Variants in BDP1 observed in about 807,000 individuals in gnomAD.
The protein encoded by BDP1 is BDP1 general transcription factor IIIB subunit.
In BDP1, 169 loss-of-function variants were observed where a neutral mutation model predicts 266.6. That is an observed-to-expected ratio of 0.63 (90% CI 0.56 to 0.72). The LOEUF (loss-of-function observed/expected upper bound fraction) is 0.72. Among genes scored for constraint, BDP1 ranks in the 30% least tolerant of loss-of-function variants. The probability of loss-of-function intolerance (pLI) is 0.00; values close to 1 mark genes in which losing one functional copy is unlikely to be tolerated. For missense variants in BDP1, 3,015 were observed against 3,053.8 expected (o/e 0.99, Z 0.30); for synonymous variants, 1,090 against 1,022.4 (o/e 1.07, Z -1.26).
At chr5:71,517,091 G>T (rs1419904959) in intron 21 of BDP1, among the ~76,000 whole-genome samples, 1 of 152,112 alleles carries the variant, frequency 6.6e-6, no homozygotes, top group Non-Finnish European at 1.5e-5. Context: ...ACCACCCATG[G>T]TGGTATCTGC....
chr5:71,547,711 A>G (rs944705099), intron 32 of BDP1, among the ~76,000 whole-genome samples: 1 of 152,142 alleles, frequency 6.6e-6, no homozygotes, highest in Non-Finnish European at 1.5e-5. Flanking sequence ...GCTCTTTGGG[A>G]GGCTGAGGCG....
intron 7 of BDP1, among the ~76,000 whole-genome samples, chr5:71,473,800 G>C (rs1462230821): frequency 6.6e-6 from 1 of 151,792 alleles, no homozygotes; most frequent in Admixed American, 6.6e-5. Flanking sequence ...TTTAACATTA[G>C]GTATATCTCC....
intron 25 of BDP1, among the ~76,000 whole-genome samples, chr5:71,530,352 A>G (rs1766161304): frequency 6.6e-6 from 1 of 152,116 alleles, no homozygotes. Context: ...CTCCCACCTC[A>G]GCCTCCTGAG....
intron 33 of BDP1, among the ~76,000 whole-genome samples, 165 bp from the exon 34 acceptor site, chr5:71,549,255 G>C (rs959059324): frequency 6.6e-6 from 1 of 152,128 alleles, no homozygotes; most frequent in Non-Finnish European, 1.5e-5. Flanking sequence ...CAAAAAAGGA[G>C]GGAACTTACT....
chr5:71,555,523 T>C (rs1343073917), intron 35 of BDP1, among the ~76,000 whole-genome samples: 1 of 151,146 alleles, frequency 6.6e-6, no homozygotes, highest in African/African-American at 2.4e-5. Context: ...CACTGCAACC[T>C]CCACCTCCCA....
At chr5:71,576,073 G>A in the BDP1 span, among the ~76,000 whole-genome samples, 5 of 152,134 alleles carry the variant, frequency 3.3e-5, no homozygotes, top group Admixed American at 6.5e-5. Context: ...AGAAAACTAC[G>A]CAGGAAGCTG....
At chr5:71,477,226 T>C (rs1277526599) in intron 7 of BDP1, among the ~76,000 whole-genome samples, 3 of 151,848 alleles carry the variant, frequency 2.0e-5, no homozygotes, top group East Asian at 1.9e-4. Flanking sequence ...GGTGCAACCA[T>C]AGCTCACTGC....
At chr5:71,573,579 G>C in the BDP1 span, among the ~76,000 whole-genome samples, 9 of 152,156 alleles carry the variant, frequency 5.9e-5, no homozygotes, top group Non-Finnish European at 1.3e-4. Flanking sequence ...GGTGCTATGC[G>C]TCTTTTACCC....
intron 2 of BDP1, among the ~76,000 whole-genome samples, chr5:71,460,351 G>C (rs1761471770): frequency 6.6e-6 from 1 of 152,220 alleles, no homozygotes; most frequent in South Asian, 2.1e-4. Context: ...TTGCACTCCA[G>C]CATGAGTGAC....
chr5:71,566,173 G>A lies in BDP1; in HGVS notation c.*1288G>A, dbSNP rs949645692. The stretch of plus-strand genomic sequence containing the variant: ...AATCTCAGGATTTTCATGAGGATAG[G>A]GGGAACTCAACTTTATTTATGAGAC... On this transcript the variant is annotated 3_prime_UTR_variant, in exon 39 of 39. Coordinates refer to ENST00000358731, the MANE Select transcript of BDP1 (RefSeq NM_018429.3). The A allele has an allele frequency of 6.5e-6, 1 of 153,668 alleles. No homozygotes were observed. The highest frequency in any genetic ancestry group is 1.5e-5 in the Non-Finnish European group (1 of 68,498). 9.5% of individuals were successfully genotyped at this position (153,668 alleles called of 1,614,324 possible).
chr5:71,556,955 ATTTTGCTAAATACT>A (rs1743259185), intron 36 of BDP1, 30 bp downstream of exon 36: 1 of 1,267,392 alleles, frequency 7.9e-7, no homozygotes, highest in Non-Finnish European at 1.1e-6. Flanking sequence ...ACATGATTGC[ATTTTGCTAAATACT>A]CCTGATTATT....
In BDP1 at chr5:71,461,958, CTTTTTTTTTTTT is replaced by C. The variant is rs370261571; in HGVS notation, c.599+42_599+53del. 65 of 444,102 alleles carry C rather than the reference CTTTTTTTTTTTT, an allele frequency of 1.5e-4. 1 individual carries two copies. The highest frequency in any genetic ancestry group is 6.9e-4 in the East Asian group (14 of 20,218). 27.5% of individuals were successfully genotyped at this position (444,102 alleles called of 1,614,324 possible). A position where few individuals can be genotyped will look rare whatever the true frequency, so the allele number is the denominator to read the frequency against. ...AAAATTTATTTCTGCTTTACTATCT[CTTTTTTTTTTTT>C]TTTTTTTTTGGAGGTGGAGTCTCGC... On this transcript the variant is annotated intron_variant, in intron 3 of 38. Coordinates refer to ENST00000358731, the MANE Select transcript of BDP1 (RefSeq NM_018429.3).
chr5:71,464,147 T>C, intron 4 of BDP1, 30 bp downstream of exon 4: 1 of 1,324,632 alleles, frequency 7.5e-7, no homozygotes, highest in Non-Finnish European at 1.1e-6. Flanking sequence ...ATATATTCTA[T>C]TCCTACATTT....
intron 7 of BDP1, among the ~76,000 whole-genome samples, chr5:71,474,616 G>C (rs565270767): frequency 6.6e-6 from 1 of 151,758 alleles, no homozygotes; most frequent in Admixed American, 6.6e-5. Context: ...AGGAGGCTGA[G>C]GGGGGTGGGT....
At position 71,542,924 on chromosome 5, in the gene BDP1, G is replaced by GTGAAAATGTTATGAGCCATAGAGAAA. The variant is rs536402042; in HGVS notation, c.6412+697_6412+722dup. On this transcript the variant is annotated intron_variant, in intron 30 of 38. Coordinates refer to ENST00000358731, the MANE Select transcript of BDP1 (RefSeq NM_018429.3). ...ACTCATGTCCTTGAGCCGTAGAGAA[G>GTGAAAATGTTATGAGCCATAGAGAAA]TGAAAATGTTATGAGCCATAGAGAA... 1.2e-3 allele frequency among the ~76,000 whole-genome samples: 177 copies of GTGAAAATGTTATGAGCCATAGAGAAA among 152,174 alleles called. 3 individuals are homozygous for GTGAAAATGTTATGAGCCATAGAGAAA. The highest frequency in any genetic ancestry group is 3.8e-3 in the African/African-American group (159 of 41,472).
chr5:71,477,180 G>A (rs1467681261), intron 7 of BDP1, among the ~76,000 whole-genome samples: 7 of 149,186 alleles, frequency 4.7e-5, no homozygotes, highest in African/African-American at 1.2e-4. Context: ...TTTTTCTTTC[G>A]AGACAGGGTC....
chr5:71,501,637 G>A lies in BDP1; in HGVS notation c.2032G>A (p.Ala678Thr), dbSNP rs372969948. Residue 678 changes from alanine to threonine, a missense_variant, in exon 14 of 39, where the codon GCT becomes ACT. Around this residue, in one of 3 missense-constraint regions of BDP1, gnomAD observed 2,383 missense variants for 2,404.9 expected, o/e 0.99. Transcript: ENST00000358731. ...METTERENPE[A>T]ETVSVLGEKN... ...GACTACAGAGAGAGAGAATCCAGAA[G>A]CTGAAACTGTATCTGTGTGAGTATT... 7.5e-6 allele frequency: 11 copies of A among 1,457,194 alleles called. No homozygotes were observed. The highest frequency in any genetic ancestry group is 1.0e-5 in the Non-Finnish European group (11 of 1,050,034). 90.3% of individuals were successfully genotyped at this position (1,457,194 alleles called of 1,614,324 possible).
chr5:71,503,622 G>C (rs958752079), intron 15 of BDP1, among the ~76,000 whole-genome samples: 1 of 152,168 alleles, frequency 6.6e-6, no homozygotes, highest in African/African-American at 2.4e-5. Flanking sequence ...CATAGCCTTT[G>C]TGATAAAGAT....
rs376062217 is a variant in BDP1, at chr5:71,509,469, C to A, written c.2377C>A (p.Gln793Lys). ...PKVLNECLSV[Q>K]ENNKANKLNQ... Reference sequence around the variant, plus strand: ...TGCCCCCTTTTTTTTTTATAGCGTTCAAGAGAATAATAAGGCAAATAAACT... The same window carrying A: ...TGCCCCCTTTTTTTTTTATAGCGTTAAAGAGAATAATAAGGCAAATAAACT... The change falls in exon 17 of 39, where the codon CAA becomes AAA. Residue 793 changes from glutamine to lysine, a missense_variant. By Grantham distance (53) the Gln-to-Lys change is moderately conservative. Around this residue, in one of 3 missense-constraint regions of BDP1, gnomAD observed 2,383 missense variants for 2,404.9 expected, o/e 0.99. Coordinates refer to ENST00000358731, the MANE Select transcript of BDP1 (RefSeq NM_018429.3). The A allele has an allele frequency of 4.5e-6, 7 of 1,566,048 alleles. No individual in the cohort carries two copies. In the South Asian group the frequency reaches 8.6e-5, roughly 19 times the overall value.
Sources: allele counts gnomAD v4.1 joint callset (sites outside exome capture counted in the v4.1 genomes callset), GRCh38; gene constraint gnomAD v4.1.1; regional missense constraint gnomAD v4.1.1; transcripts MANE v1.5; gene names NCBI Gene and HGNC (gene_info 2026-07-23, HGNC 2026-07-21).